The following CFAP54 variants were observed in gnomAD, a reference collection of about 807,000 sequenced individuals.
CFAP54 encodes the protein cilia- and flagella-associated protein 54.
CFAP54 carries 290 observed loss-of-function variants against 370.4 expected under a neutral mutation model. The ratio of observed to expected loss-of-function variants is 0.78; its 90% CI spans 0.71 to 0.86. CFAP54 has a LOEUF of 0.86. Among genes scored for constraint, CFAP54 ranks in the 40% least tolerant of loss-of-function variants. The probability of loss-of-function intolerance (pLI) is 0.00; values close to 1 mark genes in which losing one functional copy is unlikely to be tolerated. For synonymous variants in CFAP54, 1,206 were observed against 1,236.5 expected, an observed-to-expected ratio of 0.98 and a Z score of 0.52; for missense variants, 3,399 against 3,528.7, an observed-to-expected ratio of 0.96 and a Z score of 0.93.
chr12:96,547,514 A>C (rs1170287530), intron 14 of CFAP54, among the ~76,000 whole-genome samples: 2 of 152,060 alleles, frequency 1.3e-5, no homozygotes, highest in Non-Finnish European at 2.9e-5. Flanking sequence ...GACCTTATAG[A>C]ATATAGAGAA....
At chr12:96,559,557 CTG>C (rs1362452138) in intron 17 of CFAP54, among the ~76,000 whole-genome samples, 1 of 152,152 alleles carries the variant, frequency 6.6e-6, no homozygotes, top group Non-Finnish European at 1.5e-5. Context: ...GCCACGTTTA[CTG>C]TCTTTCTCTT....
At chr12:96,723,526 C>A (rs1032409220) in intron 50 of CFAP54, among the ~76,000 whole-genome samples, 1 of 152,110 alleles carries the variant, frequency 6.6e-6, no homozygotes, top group Non-Finnish European at 1.5e-5. Context: ...AGAGAGTTGA[C>A]CCCTGGATTT....
intron 36 of CFAP54, among the ~76,000 whole-genome samples, chr12:96,654,038 C>A (rs1956892482): frequency 1.3e-5 from 2 of 152,108 alleles, no homozygotes; most frequent in South Asian, 4.1e-4. Context: ...ACTTAACAAT[C>A]TGACACAAGA....
At chr12:96,513,811 T>G (rs1267724552) in intron 5 of CFAP54, among the ~76,000 whole-genome samples, 4 of 152,150 alleles carry the variant, frequency 2.6e-5, no homozygotes, top group Non-Finnish European at 5.9e-5. Context: ...GTTACCCCCT[T>G]TATGTCATGA....
chr12:96,739,926 A>G (rs763051978), intron 50 of CFAP54, 30 bp from the exon 51 acceptor site: 4 of 1,265,456 alleles, frequency 3.2e-6, no homozygotes, highest in Non-Finnish European at 4.5e-6. Context: ...TATAATACTG[A>G]TAACATTTAA....
At chr12:96,795,290 G>A (rs1229705380) in intron 63 of CFAP54, among the ~76,000 whole-genome samples, 1 of 152,152 alleles carries the variant, frequency 6.6e-6, no homozygotes, top group Non-Finnish European at 1.5e-5. Context: ...TTGCCCTAGG[G>A]TTGCCTGGAT....
chr12:96,755,088 G>C lies in CFAP54; in HGVS notation c.7840+1190G>C, dbSNP rs187739970. Among the ~76,000 whole-genome samples, 662 of 152,236 alleles carry C rather than the reference G, an allele frequency of 4.3e-3. 7 individuals are homozygous for C. The highest frequency in any genetic ancestry group is 0.015 in the African/African-American group (622 of 41,528). ...AGGCTGCAGCTCACCATGAGGGCTG[G>C]GAGCTGTGAGGGCCAGCGCATTTGC... is the stretch of plus-strand genomic sequence containing the variant. On this transcript the variant is annotated intron_variant, in intron 56 of 67. Transcript: ENST00000524981.
intron 45 of CFAP54, among the ~76,000 whole-genome samples, chr12:96,694,788 CCGGGGTGGG>C (rs1957424628): frequency 6.6e-6 from 1 of 151,692 alleles, no homozygotes; most frequent in Admixed American, 6.6e-5. Flanking sequence ...CTTTGGGAGG[CCGGGGTGGG>C]CGGATCACCA....
chr12:96,608,599 T>C (rs989522244), intron 26 of CFAP54, among the ~76,000 whole-genome samples: 5 of 151,894 alleles, frequency 3.3e-5, no homozygotes, highest in African/African-American at 9.7e-5. Flanking sequence ...GTAGCTGGGA[T>C]TACAGGCATG....
chr12:96,795,334 C>T (rs1324514790), intron 63 of CFAP54, among the ~76,000 whole-genome samples: 1 of 152,146 alleles, frequency 6.6e-6, no homozygotes, highest in Non-Finnish European at 1.5e-5. Flanking sequence ...TGGATGAGGA[C>T]ATAGAGCTCT....
At position 96,640,313 on chromosome 12, in the gene CFAP54, C is replaced by G. The variant is rs146122306; in HGVS notation, c.4317-3865C>G. On this transcript the variant is annotated intron_variant, in intron 32 of 67. Coordinates refer to ENST00000524981, the MANE Select transcript of CFAP54 (RefSeq NM_001306084.2). ...GACAAACAGCCAAATCATGAGTGAACTCCCATTCACAATTGCTTCAAAGAG... is the reference window on the plus strand; with the variant it reads ...GACAAACAGCCAAATCATGAGTGAAGTCCCATTCACAATTGCTTCAAAGAG... 3.9e-5 allele frequency among the ~76,000 whole-genome samples: 6 copies of G among 152,294 alleles called. No individual in the cohort carries two copies. In the East Asian group the frequency reaches 1.2e-3, roughly 29 times the overall value.
chr12:96,547,882 C>T lies in CFAP54; in HGVS notation c.2078-20C>T. 1 of 1,345,088 alleles carries T rather than the reference C, an allele frequency of 7.4e-7. No homozygotes were observed. Among genetic ancestry groups the T allele is most frequent in the South Asian group, 1.4e-5 (1 of 70,550 alleles). 83.3% of individuals were successfully genotyped at this position (1,345,088 alleles called of 1,614,324 possible). ...TTCCCCTCCATCCTTCATTCCCTTC[C>T]TCCTTCCTTTCTTTTCCAGATGTAC... On this transcript the variant is annotated intron_variant, in intron 14 of 67. Transcript: ENST00000524981.
chr12:96,790,021 C>T (rs1958672167), intron 62 of CFAP54, among the ~76,000 whole-genome samples: 1 of 152,114 alleles, frequency 6.6e-6, no homozygotes, highest in African/African-American at 2.4e-5. Context: ...CTTTCCCCCA[C>T]AAAGAAGTAG....
chr12:96,811,697 T>C (rs775569537), intron 63 of CFAP54, 39 bp from the exon 64 acceptor site: 81 of 1,065,846 alleles, frequency 7.6e-5, no homozygotes, highest in Non-Finnish European at 9.1e-5. Flanking sequence ...AACTCTAATT[T>C]TGATGTCACA....
intron 50 of CFAP54, among the ~76,000 whole-genome samples, chr12:96,731,285 T>C (rs1957916322): frequency 6.6e-6 from 1 of 152,236 alleles, no homozygotes; most frequent in Non-Finnish European, 1.5e-5. Context: ...TCCTTGGATA[T>C]ATATTTTTAA....
In CFAP54 at chr12:96,875,401, T is replaced by C. The variant is rs1960283423; in HGVS notation, c.*298T>C. ...GTAGGGCAGTTTAACTCCTATCTTC[T>C]CTGTGAGTTCCAGGTCTGTATATCT... On this transcript the variant is annotated 3_prime_UTR_variant, in exon 68 of 68. Transcript: ENST00000524981. 1 of 152,210 alleles carries C rather than the reference T, an allele frequency of 6.6e-6. No homozygotes were observed. The highest frequency in any genetic ancestry group is 2.1e-4 in the South Asian group (1 of 4,830). 9.4% of individuals were successfully genotyped at this position (152,210 alleles called of 1,614,324 possible).
At chr12:96,731,201 A>G (rs979865835) in intron 50 of CFAP54, among the ~76,000 whole-genome samples, 3 of 152,226 alleles carry the variant, frequency 2.0e-5, no homozygotes, top group Admixed American at 2.0e-4. Flanking sequence ...GCACACTTGT[A>G]ATTTAAAAAA....
chr12:96,743,446 A>T lies in CFAP54; in HGVS notation c.7264A>T (p.Met2422Leu), dbSNP rs1193097435. The stretch of plus-strand genomic sequence containing the variant: ...CCTGAGCCTCATCAATGAAGTGTGT[A>T]TGGAGGCAAAAAGCGCAGGGGACAC... Reference protein sequence around the residue: ...DCLSLINEVCMEAKSAGDTEL... With the variant: ...DCLSLINEVCLEAKSAGDTEL... Residue 2422 changes from methionine (M) to leucine (L), a missense_variant, in exon 53 of 68, where the codon ATG becomes TTG. Around this residue, in one of 3 missense-constraint regions of CFAP54, gnomAD observed 2,796 missense variants for 2,869.7 expected, o/e 0.97. Transcript: ENST00000524981. 1 of 1,614,078 alleles carries T rather than the reference A, an allele frequency of 6.2e-7. No homozygotes were observed. Among genetic ancestry groups the T allele is most frequent in the Non-Finnish European group, 8.5e-7 (1 of 1,179,954 alleles).
chr12:96,694,863 G>C (rs1306647209), intron 45 of CFAP54, among the ~76,000 whole-genome samples: 4 of 151,720 alleles, frequency 2.6e-5, no homozygotes, highest in Non-Finnish European at 5.9e-5. Context: ...CTCTACTAAA[G>C]ATAAAAAATT....
Sources: gnomAD v4.1 joint callset for allele counts (sites outside exome capture counted in the v4.1 genomes callset) on GRCh38, gnomAD v4.1.1 for gene constraint, gnomAD v4.1.1 regional missense constraint, MANE v1.5 for transcripts, NCBI Gene and HGNC (gene_info 2026-07-23, HGNC 2026-07-21) for gene names.